PARD3B: variants seen among roughly 807,000 people sequenced by gnomAD.
The protein encoded by PARD3B is partitioning defective 3 homolog B.
PARD3B carries 103 observed loss-of-function variants against 130.2 expected under a neutral mutation model. The observed-to-expected ratio is 0.79, with a 90% CI of 0.67 to 0.93. PARD3B has a LOEUF of 0.93. PARD3B is among the 40% of genes least tolerant of loss of function. PARD3B has a pLI of 0.00. For synonymous variants in PARD3B, 583 were observed against 553.2 expected (o/e 1.05, Z -0.76); for missense variants, 1,609 against 1,499.2 (o/e 1.07, Z -1.21).
Position 205,546,308 on chromosome 2 carries a change from G to C in PARD3B, c.3181-7016G>C, listed in dbSNP as rs78581049. Among the ~76,000 whole-genome samples the C allele has an allele frequency of 9.6e-4, 146 of 152,198 alleles. 3 individuals are homozygous for C. The East Asian group carries it at 0.024, about 25-fold the overall frequency. ...AGATAAATATGCCCCAAATCCAGGC[G>C]TAAGTTCTAACGTTACACTGTTGTG... On this transcript the variant is annotated intron_variant, in intron 21 of 22. Transcript: ENST00000406610.
intron 2 of PARD3B, among the ~76,000 whole-genome samples, chr2:204,845,478 CAT>C (rs1183884838): frequency 2.0e-5 from 3 of 152,116 alleles, no homozygotes; most frequent in East Asian, 3.9e-4. Context: ...AGATTTTACT[CAT>C]AGAGTAAAAA....
intron 3 of PARD3B, among the ~76,000 whole-genome samples, chr2:205,017,251 C>T (rs1195994126): frequency 2.6e-5 from 4 of 152,016 alleles, no homozygotes; most frequent in African/African-American, 9.7e-5. Flanking sequence ...AACATTATAC[C>T]CTAACTAACA....
At chr2:204,726,847 T>A (rs2039253218) in intron 2 of PARD3B, among the ~76,000 whole-genome samples, 1 of 152,202 alleles carries the variant, frequency 6.6e-6, no homozygotes, top group Non-Finnish European at 1.5e-5. Context: ...CCTGTAAACA[T>A]GAAGGCTCTG....
rs552443766 is a variant in PARD3B at position 205,434,368 on chromosome 2, C to T, written c.2742-6002C>T. Among the ~76,000 whole-genome samples the T allele has an allele frequency of 3.3e-5, 5 of 152,132 alleles. No individual in the cohort carries two copies. The Middle Eastern group carries it at 0.017, about 517-fold the overall frequency. On this transcript the variant is annotated intron_variant, in intron 19 of 22. Coordinates refer to ENST00000406610, the MANE Select transcript of PARD3B (RefSeq NM_001302769.2). ...TTTTTGCTAGTATATAGTATAATGTCAGTAAAATATTGAATAAATTAATCT... is the reference window on the plus strand; with the variant it reads ...TTTTTGCTAGTATATAGTATAATGTTAGTAAAATATTGAATAAATTAATCT...
intron 18 of PARD3B, among the ~76,000 whole-genome samples, chr2:205,345,066 G>A (rs562040837): frequency 1.6e-4 from 25 of 152,282 alleles, no homozygotes; most frequent in African/African-American, 4.8e-4. Flanking sequence ...AGGAGAAAAA[G>A]TGATATCTTT....
chr2:205,211,324 T>C (rs541916985), intron 15 of PARD3B, among the ~76,000 whole-genome samples: 3 of 152,176 alleles, frequency 2.0e-5, no homozygotes, highest in East Asian at 3.9e-4. Flanking sequence ...ATACATACAA[T>C]AGATGTATGG....
Position 205,253,271 on chromosome 2 carries a change from A to G in PARD3B, c.2185+7449A>G. On this transcript the variant is annotated intron_variant, in intron 16 of 22. Transcript: ENST00000406610. The surrounding 1 kb of genome is among the most constrained non-coding windows in gnomAD (Gnocchi z 4.4). ...GAAGATAGAGACAGGGTAGATAGAC[A>G]CTTAAGAGTAAAATGTATTAACACA... 1 of 475,520 alleles carries G rather than the reference A, an allele frequency of 2.1e-6. No homozygotes were observed. The highest frequency in any genetic ancestry group is 4.2e-6 in the Non-Finnish European group (1 of 236,612). The allele number at this position is 475,520 out of a possible 1,614,324, so 29.5% of individuals were successfully genotyped here.
intron 2 of PARD3B, among the ~76,000 whole-genome samples, chr2:204,823,553 T>A (rs1462913617): frequency 6.6e-6 from 1 of 152,058 alleles, no homozygotes; most frequent in Non-Finnish European, 1.5e-5. Flanking sequence ...AGGTACTGCT[T>A]ATTGAGATGC....
At position 205,366,089 on chromosome 2, in the gene PARD3B, TATCCATCCATTC is replaced by T. The variant is rs1220160890; in HGVS notation, c.2631-34913_2631-34902del. ...CCCCCCACTCATCCATCCATCCGTT[TATCCATCCATTC>T]ATCCATCCATCCATTATCCATATTT... On this transcript the variant is annotated intron_variant, in intron 18 of 22. Transcript: ENST00000406610. This position sits in a 1 kb window ranked among gnomAD's most constrained non-coding sequence, Gnocchi z 5.0. 6.6e-6 allele frequency among the ~76,000 whole-genome samples: 1 copy of T among 152,108 alleles called. No individual in the cohort carries two copies. Among genetic ancestry groups the T allele is most frequent in the Non-Finnish European group, 1.5e-5 (1 of 68,006 alleles).
intron 22 of PARD3B, among the ~76,000 whole-genome samples, chr2:205,583,479 T>G (rs1417749122): frequency 1.3e-5 from 2 of 152,050 alleles, no homozygotes; most frequent in East Asian, 3.9e-4. Context: ...GACATCATGA[T>G]GGTGGTGGTG....
intron 22 of PARD3B, among the ~76,000 whole-genome samples, chr2:205,596,459 C>G (rs1347325906): frequency 1.3e-5 from 2 of 152,172 alleles, no homozygotes; most frequent in African/African-American, 2.4e-5. Flanking sequence ...GGGGGGCCAA[C>G]AGCAGATACT....
intron 15 of PARD3B, among the ~76,000 whole-genome samples, chr2:205,199,894 A>G (rs1238257077): frequency 6.6e-6 from 1 of 152,068 alleles, no homozygotes; most frequent in Non-Finnish European, 1.5e-5. Flanking sequence ...GCAAATGATC[A>G]ATTTTCAGAA....
intron 2 of PARD3B, among the ~76,000 whole-genome samples, chr2:204,807,759 C>T (rs1157057412): frequency 6.6e-6 from 1 of 152,008 alleles, no homozygotes; most frequent in Admixed American, 6.6e-5. Context: ...CACATCTTCT[C>T]TCTCATTCAT....
rs184676383 is a variant in PARD3B, at chr2:205,359,750, C to T, written c.2631-41263C>T. On this transcript the variant is annotated intron_variant, in intron 18 of 22. Transcript: ENST00000406610. ...TTCACACAATTTTGTATCCTTTAAT[C>T]ATATTATATAGTATGTATATGGACA... Among the ~76,000 whole-genome samples the T allele has an allele frequency of 2.0e-3, 309 of 152,098 alleles. No individual in the cohort carries two copies. In the Middle Eastern group the frequency reaches 0.02, roughly 10 times the overall value.
chr2:204,550,929 G>A (rs1181467083), intron 1 of PARD3B, among the ~76,000 whole-genome samples: 1 of 152,210 alleles, frequency 6.6e-6, no homozygotes, highest in East Asian at 1.9e-4. Flanking sequence ...TAAGGTTCTT[G>A]TATACATAAG....
intron 2 of PARD3B, among the ~76,000 whole-genome samples, chr2:204,782,271 T>A (rs1383308925): frequency 1.3e-5 from 2 of 152,028 alleles, no homozygotes; most frequent in Admixed American, 1.3e-4. Flanking sequence ...ATGTTTTTTA[T>A]ATCAGTAATT....
intron 4 of PARD3B, among the ~76,000 whole-genome samples, chr2:205,068,913 A>G (rs1700552695): frequency 6.6e-6 from 1 of 152,080 alleles, no homozygotes; most frequent in Non-Finnish European, 1.5e-5. Flanking sequence ...ATTTGTGGTG[A>G]TATTTTGTGA....
intron 3 of PARD3B, among the ~76,000 whole-genome samples, chr2:204,984,964 C>G (rs929507283): frequency 5.0e-5 from 7 of 139,542 alleles, no homozygotes; most frequent in African/African-American, 1.8e-4. Context: ...AGCAAGTGTT[C>G]AAGCAAGTCA....
intron 10 of PARD3B, among the ~76,000 whole-genome samples, chr2:205,156,833 CA>C (rs1018790477): frequency 6.6e-6 from 1 of 152,058 alleles, no homozygotes; most frequent in Non-Finnish European, 1.5e-5. Flanking sequence ...AAAAAATTTT[CA>C]AAAGAAAAGA....
Sources: allele counts gnomAD v4.1 joint callset (sites outside exome capture counted in the v4.1 genomes callset), GRCh38; gene constraint gnomAD v4.1.1; non-coding constraint Gnocchi (gnomAD v3.1); transcripts MANE v1.5; gene names NCBI Gene and HGNC (gene_info 2026-07-23, HGNC 2026-07-21).